The following MYO9B variants were observed in gnomAD, a reference collection of about 807,000 sequenced individuals.
MYO9B encodes the protein unconventional myosin-IXb.
Under a neutral mutation model 229.5 loss-of-function variants are expected in MYO9B, and 71 were observed. That is an observed-to-expected ratio of 0.31 (90% confidence interval 0.26 to 0.38). The LOEUF is 0.38. MYO9B is among the 10% of genes least tolerant of loss of function. The pLI is 1.00. For synonymous variants in MYO9B, 1,185 were observed against 1,235.8 expected (o/e 0.96, Z 0.86); for missense variants, 2,255 against 2,920.5 (o/e 0.77, Z 5.25).
chr19:17,198,382 G>A (rs2073070543), intron 24 of MYO9B, 74 bp downstream of exon 24: 2 of 1,588,802 alleles, frequency 1.3e-6, no homozygotes, highest in East Asian at 4.5e-5. Flanking sequence ...TCGCAGCAGT[G>A]TGGCCTCCTA....
chr19:17,175,999 ATTTTGTTTTG>A (rs1311533779), intron 14 of MYO9B, among the ~76,000 whole-genome samples: 4 of 150,198 alleles, frequency 2.7e-5, no homozygotes, highest in Non-Finnish European at 5.9e-5. Flanking sequence ...TGCCCAGCTA[ATTTTGTTTTG>A]TTTTGTTTTT....
Position 17,199,933 on chromosome 19 carries a change from C to T in MYO9B, c.4239-360C>T, listed in dbSNP as rs1044627293. The stretch of plus-strand genomic sequence containing the variant: ...AGGCTGGAGTGCAATGGTGCGATCT[C>T]AGCTCACTGCAACCTGCAACCTCCA... On this transcript the variant is annotated intron_variant, in intron 24 of 39. Coordinates refer to ENST00000682292, the MANE Select transcript of MYO9B (RefSeq NM_004145.4). Among the ~76,000 whole-genome samples the T allele has an allele frequency of 5.9e-5, 9 of 151,404 alleles. No homozygotes were observed. In the East Asian group the frequency reaches 1.6e-3, roughly 26 times the overall value.
chr19:17,081,412 C>T (rs2057532796), intron 1 of MYO9B, among the ~76,000 whole-genome samples: 1 of 152,154 alleles, frequency 6.6e-6, no homozygotes, highest in Non-Finnish European at 1.5e-5. Flanking sequence ...TCTTCTCACT[C>T]CTTTAAATAA....
At chr19:17,210,575 C>A in intron 37 of MYO9B, 140 bp from the exon 38 acceptor site, 1 of 1,276,176 alleles carries the variant, frequency 7.8e-7, no homozygotes, top group Non-Finnish European at 1.1e-6. Context: ...ACCACTCTGT[C>A]CCATGGGATT....
At chr19:17,140,818 G>A (rs1231066163) in intron 2 of MYO9B, among the ~76,000 whole-genome samples, 2 of 150,284 alleles carry the variant, frequency 1.3e-5, no homozygotes, top group South Asian at 2.1e-4. Flanking sequence ...AAAGTTTGTC[G>A]GGGGCCAGGC....
In MYO9B at chr19:17,101,047, A is replaced by C. The variant is rs2057740141; in HGVS notation, c.-58-613A>C. ...GGGCTGGGAAGGGCATAGCAGAAAG[A>C]GGGTCATGGCTTGTTGGGCTTCAGG... On this transcript the variant is annotated intron_variant, in intron 1 of 39. Transcript: ENST00000682292. This position sits in a 1 kb window ranked among gnomAD's most constrained non-coding sequence, Gnocchi z 4.7. Among the ~76,000 whole-genome samples the C allele has an allele frequency of 7.0e-6, 1 of 143,164 alleles. No homozygotes were observed. Among genetic ancestry groups the C allele is most frequent in the Non-Finnish European group, 1.5e-5 (1 of 66,008 alleles). 93.9% of individuals were successfully genotyped at this position (143,164 alleles called of 152,430 possible). A position where few individuals can be genotyped will look rare whatever the true frequency, so the allele number is the denominator to read the frequency against.
At chr19:17,088,428 C>T (rs2057604418) in intron 1 of MYO9B, among the ~76,000 whole-genome samples, 1 of 152,214 alleles carries the variant, frequency 6.6e-6, no homozygotes. Context: ...CGAATGAACT[C>T]CCCACTGGAA....
Position 17,194,716 on chromosome 19 carries a change from C to G in MYO9B, c.3289C>G (p.Leu1097Val). The G allele has an allele frequency of 1.2e-6, 2 of 1,612,874 alleles. No homozygotes were observed. The highest frequency in any genetic ancestry group is 1.7e-6 in the Non-Finnish European group (2 of 1,179,872). Residue 1097 changes from leucine to valine, a missense_variant, in exon 22 of 40, where the codon CTG becomes GTG. Around this residue, in one of 7 missense-constraint regions of MYO9B, gnomAD observed 679 missense variants for 770.2 expected, o/e 0.88. Coordinates refer to ENST00000682292, the MANE Select transcript of MYO9B (RefSeq NM_004145.4). ...GGAGCCAGCGGAGGATGGCGGGCAC[C>G]TGGCATCGGAGCCTGAGGTGCAGCC... ...GPEPAEDGGHLASEPEVQPSD... is the reference protein window; with the variant it reads ...GPEPAEDGGHVASEPEVQPSD...
chr19:17,197,871 C>A lies in MYO9B; in HGVS notation c.4113+13C>A, dbSNP rs184165072. ...GGCCAAGGCTCAGGTAACAACAACACGGCAAAACCCCGTCTCCACTAAAAA... is the reference window on the plus strand; with the variant it reads ...GGCCAAGGCTCAGGTAACAACAACAAGGCAAAACCCCGTCTCCACTAAAAA... On this transcript the variant is annotated intron_variant, in intron 23 of 39. Coordinates refer to ENST00000682292, the MANE Select transcript of MYO9B (RefSeq NM_004145.4). 20 of 1,612,304 alleles carry A rather than the reference C, an allele frequency of 1.2e-5. No individual in the cohort carries two copies. The East Asian group carries it at 4.5e-4, about 36-fold the overall frequency.
rs775504987 is a variant in MYO9B at position 17,200,745 on chromosome 19, G to C, written c.4479G>C (p.Val1493=). 1 of 1,614,104 alleles carries C rather than the reference G, an allele frequency of 6.2e-7. No individual in the cohort carries two copies. Among genetic ancestry groups the C allele is most frequent in the Non-Finnish European group, 8.5e-7 (1 of 1,179,916 alleles). Residue 1493 remains valine, a synonymous_variant, in exon 26 of 40, where the codon GTG becomes GTC. Transcript: ENST00000682292. Reference sequence around the variant, plus strand: ...ATGTCAAGATTGGGAAGATCACAGTGTCAGAGAAGTGGCGGGAATCGGTGT... The same window carrying C: ...ATGTCAAGATTGGGAAGATCACAGTCTCAGAGAAGTGGCGGGAATCGGTGT... ...NRNVKIGKIT[V]SEKWRESVFR...
At chr19:17,183,921 T>G in intron 16 of MYO9B, 53 bp downstream of exon 16, 1 of 1,503,376 alleles carries the variant, frequency 6.7e-7, no homozygotes, top group Non-Finnish European at 8.9e-7. Context: ...CTTGCTTCTC[T>G]GCCCGTCTTG....
Position 17,205,992 on chromosome 19 carries a change from C to A in MYO9B, c.5097C>A (p.Gly1699=). 1 of 1,588,522 alleles carries A rather than the reference C, an allele frequency of 6.3e-7. No individual in the cohort carries two copies. Among genetic ancestry groups the A allele is most frequent in the Non-Finnish European group, 8.6e-7 (1 of 1,166,240 alleles). ...GEPGVEPGHF[G]VCVDSLTSDK... ...CAGGCGTTGAGCCTGGCCACTTCGG[C>A]GTGTGCGTAGACAGCCTGACCAGCG... Residue 1699 remains glycine (G), a synonymous_variant, in exon 32 of 40, where the codon GGC becomes GGA. Coordinates refer to ENST00000682292, the MANE Select transcript of MYO9B (RefSeq NM_004145.4).
chr19:17,157,582 A>G lies in MYO9B; in HGVS notation c.1329+544A>G, dbSNP rs77294233. ...TCAAAACAAAACAAAACAAACAAAA[A>G]AAAACTACAGCTTGGGGCTGGGTGC... is the stretch of plus-strand genomic sequence containing the variant. On this transcript the variant is annotated intron_variant, in intron 7 of 39. Coordinates refer to ENST00000682292, the MANE Select transcript of MYO9B (RefSeq NM_004145.4). The G allele has an allele frequency of 7.3e-3, 1,163 of 159,206 alleles. 49 individuals are homozygous for G. Among genetic ancestry groups the G allele is most frequent in the East Asian group, 0.053 (281 of 5,352 alleles). 9.9% of individuals were successfully genotyped at this position (159,206 alleles called of 1,614,324 possible). A position where few individuals can be genotyped will look rare whatever the true frequency, so the allele number is the denominator to read the frequency against.
chr19:17,078,109 G>A (rs2057502757), intron 1 of MYO9B, among the ~76,000 whole-genome samples: 1 of 152,140 alleles, frequency 6.6e-6, no homozygotes, highest in Non-Finnish European at 1.5e-5. Context: ...GGTGTGTCTT[G>A]GGTGGGCCTA....
At chr19:17,181,125 C>G (rs2072855792) in intron 15 of MYO9B, 85 bp downstream of exon 15, 2 of 930,272 alleles carry the variant, frequency 2.1e-6, no homozygotes, top group Non-Finnish European at 3.3e-6. Context: ...TGCAGTCTTC[C>G]TAATTTGCAT....
At chr19:17,180,847 G>A (rs1047188761) in intron 14 of MYO9B, 80 bp from the exon 15 acceptor site, 11 of 933,300 alleles carry the variant, frequency 1.2e-5, no homozygotes, top group Admixed American at 1.1e-4. Flanking sequence ...TCCCAATGGC[G>A]CTGGGAACCC....
At chr19:17,105,038 A>G (rs1185897839) in intron 2 of MYO9B, among the ~76,000 whole-genome samples, 2 of 151,664 alleles carry the variant, frequency 1.3e-5, no homozygotes, top group East Asian at 3.9e-4. Context: ...AAATTCCTCC[A>G]TGCTCCCCCT....
intron 1 of MYO9B, among the ~76,000 whole-genome samples, chr19:17,092,210 C>T (rs1304743896): frequency 6.6e-6 from 1 of 152,228 alleles, no homozygotes; most frequent in Non-Finnish European, 1.5e-5. Flanking sequence ...GTAGGCATAT[C>T]CCAGTGAGTT....
chr19:17,209,490 A>G, intron 35 of MYO9B, 96 bp from the exon 36 acceptor site: 2 of 1,387,330 alleles, frequency 1.4e-6, no homozygotes, highest in Non-Finnish European at 9.8e-7. Flanking sequence ...CTGAGCCTCA[A>G]CCACTGCCCC....
Sources: allele counts gnomAD v4.1 joint callset (sites outside exome capture counted in the v4.1 genomes callset), GRCh38; gene constraint gnomAD v4.1.1; regional missense constraint gnomAD v4.1.1; non-coding constraint Gnocchi (gnomAD v3.1); transcripts MANE v1.5; gene names NCBI Gene and HGNC (gene_info 2026-07-23, HGNC 2026-07-21).